NYAP2: variants seen among roughly 807,000 people sequenced by gnomAD.
NYAP2 encodes the protein neuronal tyrosine-phosphorylated phosphoinositide-3-kinase adapter 2.
A neutral mutation model predicts 50.4 loss-of-function variants in NYAP2; 23 were observed. The observed-to-expected ratio is 0.46, with a 90% CI of 0.33 to 0.65. The LOEUF (loss-of-function observed/expected upper bound fraction) is 0.65, where lower values mean the gene tolerates loss of function less well. NYAP2 is among the 30% of genes least tolerant of loss of function. The probability of loss-of-function intolerance (pLI) is 0.02; values close to 1 mark genes in which losing one functional copy is unlikely to be tolerated. For synonymous variants in NYAP2, 394 were observed against 365.2 expected, an observed-to-expected ratio of 1.08 and a Z score of -0.90; for missense variants, 885 against 861.0, an observed-to-expected ratio of 1.03 and a Z score of -0.35.
chr2:225,578,433 G>C (rs1692206962), intron 4 of NYAP2, among the ~76,000 whole-genome samples: 1 of 152,194 alleles, frequency 6.6e-6, no homozygotes, highest in Non-Finnish European at 1.5e-5. Flanking sequence ...TGAACAAGCA[G>C]AGCAGTGTGA....
At chr2:225,583,091 G>C (rs1234558462) in intron 5 of NYAP2, 56 bp downstream of exon 5, 1 of 1,560,388 alleles carries the variant, frequency 6.4e-7, no homozygotes, top group Non-Finnish European at 8.7e-7. Flanking sequence ...TTACAACCAG[G>C]GTGAAGCCCA....
intron 6 of NYAP2, among the ~76,000 whole-genome samples, chr2:225,645,264 A>G (rs1458963222): frequency 1.3e-5 from 2 of 152,174 alleles, no homozygotes; most frequent in Non-Finnish European, 1.5e-5. Context: ...AGAAGAAGAA[A>G]AAAGCTAACT....
intron 4 of NYAP2, among the ~76,000 whole-genome samples, chr2:225,537,943 C>G (rs1691380844): frequency 6.6e-6 from 1 of 152,136 alleles, no homozygotes; most frequent in African/African-American, 2.4e-5. Flanking sequence ...TGGCTACAGG[C>G]CCCATGCAAG....
At chr2:225,467,068 C>T (rs1375269741) in intron 3 of NYAP2, among the ~76,000 whole-genome samples, 2 of 152,100 alleles carry the variant, frequency 1.3e-5, no homozygotes, top group Non-Finnish European at 2.9e-5. Flanking sequence ...GTTCCTTCTC[C>T]CCTTATTCTT....
chr2:225,484,663 G>C (rs1236193562), intron 3 of NYAP2, among the ~76,000 whole-genome samples: 2 of 152,224 alleles, frequency 1.3e-5, no homozygotes, highest in East Asian at 3.8e-4. Flanking sequence ...CCTGCTTAAT[G>C]TTGACTGGCT....
At chr2:225,420,210 A>G (rs917824163) in intron 3 of NYAP2, among the ~76,000 whole-genome samples, 2 of 152,108 alleles carry the variant, frequency 1.3e-5, no homozygotes, top group African/African-American at 4.8e-5. Context: ...TTTTAAGTGC[A>G]ATTTGCTAAT....
chr2:225,595,586 AAG>A (rs1459059750), intron 5 of NYAP2, among the ~76,000 whole-genome samples: 2 of 152,242 alleles, frequency 1.3e-5, no homozygotes, highest in African/African-American at 4.8e-5. Context: ...GAAATGGTCA[AAG>A]AGAAGTTTTA....
chr2:225,424,122 A>C (rs1488002110), intron 3 of NYAP2, among the ~76,000 whole-genome samples: 1 of 152,148 alleles, frequency 6.6e-6, no homozygotes, highest in Non-Finnish European at 1.5e-5. Flanking sequence ...TTTGGTGAAA[A>C]AGAGAGTCTC....
chr2:225,408,768 C>T, intron 2 of NYAP2, 96 bp from the exon 3 acceptor site: 4 of 641,044 alleles, frequency 6.2e-6, no homozygotes, highest in South Asian at 2.0e-5. Context: ...CGGATTTGGC[C>T]ATAATTATTG....
At chr2:225,673,458 TATTTAA>T in the NYAP2 span, among the ~76,000 whole-genome samples, 1 of 91,398 alleles carries the variant, frequency 1.1e-5, no homozygotes, top group Admixed American at 1.5e-4. Context: ...ATCTTCAATT[TATTTAA>T]AAAAAAATGC....
chr2:225,557,621 AC>A (rs1691802710), intron 4 of NYAP2, among the ~76,000 whole-genome samples: 1 of 152,152 alleles, frequency 6.6e-6, no homozygotes, highest in South Asian at 2.1e-4. Flanking sequence ...GTGAGGGAGA[AC>A]CTTTCTAAAT....
intron 5 of NYAP2, among the ~76,000 whole-genome samples, chr2:225,583,935 G>T (rs1300396032): frequency 6.6e-6 from 1 of 152,128 alleles, no homozygotes; most frequent in South Asian, 2.1e-4. Context: ...CCAGCTACGC[G>T]GGAGGCTGAG....
chr2:225,425,197 A>G (rs1016691085), intron 3 of NYAP2, among the ~76,000 whole-genome samples: 9 of 152,178 alleles, frequency 5.9e-5, no homozygotes, highest in African/African-American at 2.2e-4. Context: ...ACACAGCTAC[A>G]AGAGAAGGAA....
At chr2:225,468,128 G>A (rs1303270381) in intron 3 of NYAP2, among the ~76,000 whole-genome samples, 1 of 152,160 alleles carries the variant, frequency 6.6e-6, no homozygotes, top group East Asian at 1.9e-4. Flanking sequence ...CAACTTCTGG[G>A]TTCCTATAAA....
chr2:225,501,466 T>G (rs370787369), intron 3 of NYAP2, among the ~76,000 whole-genome samples: 2 of 152,296 alleles, frequency 1.3e-5, no homozygotes, highest in East Asian at 1.9e-4. Context: ...GAGAGAGAGA[T>G]ATTGGTAGCC....
chr2:225,451,418 A>G (rs1248166722), intron 3 of NYAP2, among the ~76,000 whole-genome samples: 1 of 152,198 alleles, frequency 6.6e-6, no homozygotes, highest in East Asian at 1.9e-4. Context: ...AAATAATTTC[A>G]TTGCAGCTAA....
At chr2:225,573,991 C>A (rs2106223780) in intron 4 of NYAP2, among the ~76,000 whole-genome samples, 1 of 152,294 alleles carries the variant, frequency 6.6e-6, no homozygotes, top group South Asian at 2.1e-4. Flanking sequence ...TCTTGAAAGA[C>A]TGTCAAACGA....
At chr2:225,494,149 A>G (rs1344987554) in intron 3 of NYAP2, among the ~76,000 whole-genome samples, 2 of 152,252 alleles carry the variant, frequency 1.3e-5, no homozygotes, top group Non-Finnish European at 2.9e-5. Context: ...GCTCTTAAGA[A>G]GAAAAATATT....
intron 5 of NYAP2, among the ~76,000 whole-genome samples, chr2:225,601,376 G>C (rs552837481): frequency 6.6e-6 from 1 of 151,928 alleles, no homozygotes; most frequent in Non-Finnish European, 1.5e-5. Context: ...TCTTGACCTC[G>C]TGATCCATCC....
Sources: allele counts gnomAD v4.1 joint callset (sites outside exome capture counted in the v4.1 genomes callset), GRCh38; gene constraint gnomAD v4.1.1; transcripts MANE v1.5; gene names NCBI Gene and HGNC (gene_info 2026-07-23, HGNC 2026-07-21).